Variants in LRP4 observed in about 807,000 individuals in gnomAD.
The protein encoded by LRP4 is low-density lipoprotein receptor-related protein 4.
A neutral mutation model predicts 220.3 loss-of-function variants in LRP4; 95 were observed. That is an observed-to-expected ratio of 0.43 (90% CI 0.37 to 0.51). The LOEUF (loss-of-function observed/expected upper bound fraction) is 0.51. LRP4 is among the 20% of genes least tolerant of loss of function. The pLI is 0.00. For missense variants in LRP4, 1,925 were observed against 2,567.0 expected (o/e 0.75, Z 5.40); for synonymous variants, 903 against 954.6 (o/e 0.95, Z 1.00).
rs369034386 is a variant in LRP4 at position 46,867,996 on chromosome 11, C to A, written c.5070G>T (p.Leu1690=). The A allele has an allele frequency of 1.2e-5, 20 of 1,614,024 alleles. No individual in the cohort carries two copies. Among genetic ancestry groups the A allele is most frequent in the African/African-American group, 2.7e-5 (2 of 74,908 alleles). The change falls in exon 34 of 38, where the codon CTG becomes CTT. Residue 1690 remains leucine, a synonymous_variant. Coordinates refer to ENST00000378623, the MANE Select transcript of LRP4 (RefSeq NM_002334.4). The part of the protein sequence containing the change: ...YSSTTRTRTS[L]EEVEGRCSER... ...CTATTTACCTTCCTTCCACCTCCTC[C>A]AGAGACGTGCGGGTCCGGGTGGTTG...
intron 1 of LRP4, among the ~76,000 whole-genome samples, chr11:46,917,967 G>A (rs1408713504): frequency 1.3e-5 from 2 of 152,110 alleles, no homozygotes; most frequent in Non-Finnish European, 1.5e-5. Flanking sequence ...TTCTTCGCAC[G>A]CATTCATTCG....
At chr11:46,888,575 A>G (rs1206059498) in intron 16 of LRP4, among the ~76,000 whole-genome samples, 9 of 150,482 alleles carry the variant, frequency 6.0e-5, no homozygotes, top group African/African-American at 2.2e-4. Flanking sequence ...AAAAAAAAAG[A>G]ATGCAAGGGG....
Position 46,899,405 on chromosome 11 carries a change from A to C in LRP4, c.529T>G (p.Ser177Ala). 3 of 1,613,942 alleles carry C rather than the reference A, an allele frequency of 1.9e-6. No individual in the cohort carries two copies. The highest frequency in any genetic ancestry group is 2.2e-5 in the East Asian group (1 of 44,880). Reference sequence around the variant, plus strand: ...CACTCACGACAGTTCTCCTCATCGGAGCCATCTTTGCAGTCGGTGTCACCG... The same window carrying C: ...CACTCACGACAGTTCTCCTCATCGGCGCCATCTTTGCAGTCGGTGTCACCG... The part of the protein sequence containing the change: ...CDGDTDCKDG[S>A]DEENCPSAVP... The change falls in exon 5 of 38, where the codon TCC becomes GCC. Residue 177 changes from serine (S) to alanine (A), a missense_variant. Ser to Ala is a moderately conservative substitution (Grantham distance 99, BLOSUM62 1). Coordinates refer to ENST00000378623, the MANE Select transcript of LRP4 (RefSeq NM_002334.4). The surrounding 1 kb of genome is among the most constrained non-coding windows in gnomAD (Gnocchi z 5.9).
At chr11:46,906,737 C>A (rs1941766621) in intron 1 of LRP4, among the ~76,000 whole-genome samples, 1 of 151,984 alleles carries the variant, frequency 6.6e-6, no homozygotes, top group Admixed American at 6.6e-5. Context: ...TTTTTAGGGC[C>A]CCACCCCCGC....
chr11:46,882,486 G>GA (rs200622207), intron 19 of LRP4, among the ~76,000 whole-genome samples: 8 of 150,544 alleles, frequency 5.3e-5, no homozygotes, highest in African/African-American at 1.5e-4. Context: ...AAAAAAAAAA[G>GA]AAAAAAACAA....
At chr11:46,871,817 TG>T (rs1940873686) in intron 30 of LRP4, among the ~76,000 whole-genome samples, 184 bp from the exon 31 acceptor site, 1 of 151,950 alleles carries the variant, frequency 6.6e-6, no homozygotes, top group South Asian at 2.1e-4. Context: ...GGTTCATGAG[TG>T]GGGAGGTCAG....
At chr11:46,913,324 T>A (rs1941896138) in intron 1 of LRP4, among the ~76,000 whole-genome samples, 1 of 152,196 alleles carries the variant, frequency 6.6e-6, no homozygotes, top group Non-Finnish European at 1.5e-5. Flanking sequence ...GAGAATTGGC[T>A]CTTTTTAACA....
At chr11:46,871,058 C>G (rs1409275707) in intron 31 of LRP4, among the ~76,000 whole-genome samples, 1 of 152,196 alleles carries the variant, frequency 6.6e-6, no homozygotes, top group Admixed American at 6.5e-5. Context: ...TCATTAAATA[C>G]TTACAAACTG....
At chr11:46,900,698 C>T (rs947981626) in intron 2 of LRP4, among the ~76,000 whole-genome samples, 2 of 151,938 alleles carry the variant, frequency 1.3e-5, no homozygotes, top group Non-Finnish European at 2.9e-5. Flanking sequence ...GTCGTGTTGG[C>T]CAGGCTGGTC....
Position 46,873,397 on chromosome 11 carries a change from T to C in LRP4, c.4426A>G (p.Ile1476Val). The part of the protein sequence containing the change: ...INNSLDEPRA[I>V]AVFPRKGYLF... ...TACCCCTTCCTGGGGAAAACAGCAA[T>C]GGCCCGGGGCTCATCCAGGCTATTG... The change falls in exon 29 of 38, where the codon ATT (isoleucine) becomes GTT (valine). Residue 1476 changes from isoleucine to valine, a missense_variant. By Grantham distance (29) the Ile-to-Val change is conservative (BLOSUM62 3). Coordinates refer to ENST00000378623, the MANE Select transcript of LRP4 (RefSeq NM_002334.4). This position sits in a 1 kb window ranked among gnomAD's most constrained non-coding sequence, Gnocchi z 4.2. 6.2e-7 allele frequency: 1 copy of C among 1,614,194 alleles called. No individual in the cohort carries two copies. The highest frequency in any genetic ancestry group is 1.1e-5 in the South Asian group (1 of 91,082).
At chr11:46,917,316 C>T (rs764322045) in intron 1 of LRP4, among the ~76,000 whole-genome samples, 3 of 152,222 alleles carry the variant, frequency 2.0e-5, no homozygotes, top group Non-Finnish European at 1.5e-5. Flanking sequence ...ACTCCCGCCA[C>T]GATGAATAGC....
intron 2 of LRP4, among the ~76,000 whole-genome samples, chr11:46,902,412 T>C (rs947937371): frequency 2.8e-5 from 4 of 141,400 alleles, no homozygotes; most frequent in African/African-American, 2.6e-5. Context: ...ATAAGAAACA[T>C]AGAAATAATC....
intron 12 of LRP4, 130 bp from the exon 13 acceptor site, chr11:46,893,259 G>A: frequency 1.2e-6 from 1 of 844,166 alleles, no homozygotes; most frequent in Non-Finnish European, 2.0e-6. Flanking sequence ...TCAGATACAT[G>A]AATTCATTTA....
chr11:46,886,119 G>A lies in LRP4; in HGVS notation c.2478C>T (p.Val826=). The change falls in exon 18 of 38, where the codon GTC becomes GTT. Residue 826 remains valine, a synonymous_variant. Transcript: ENST00000378623. The part of the protein sequence containing the change: ...ESPAGLAIDW[V]TNKLYWTDAG... ...CATCTGTCCAGTACAGTTTGTTGGT[G>A]ACCCAATCAATGGCCAGGCCAGCTG... 1.2e-6 allele frequency: 2 copies of A among 1,614,084 alleles called. No individual in the cohort carries two copies. Among genetic ancestry groups the A allele is most frequent in the South Asian group, 1.1e-5 (1 of 91,070 alleles).
intron 10 of LRP4, 139 bp downstream of exon 10, chr11:46,895,745 T>C: frequency 8.1e-7 from 1 of 1,231,408 alleles, no homozygotes; most frequent in Non-Finnish European, 1.2e-6. Flanking sequence ...ATGGGAAGGA[T>C]GATCCCCACC....
intron 1 of LRP4, among the ~76,000 whole-genome samples, chr11:46,903,943 A>G (rs1941715002): frequency 6.6e-6 from 1 of 152,162 alleles, no homozygotes; most frequent in African/African-American, 2.4e-5. Flanking sequence ...CTGCCTGGCC[A>G]AGTCCCATGA....
chr11:46,895,425 G>C, intron 10 of LRP4, 134 bp from the exon 11 acceptor site: 1 of 1,280,706 alleles, frequency 7.8e-7, no homozygotes, highest in Non-Finnish European at 1.1e-6. Context: ...CTAAGAAATG[G>C]TTAAGGGCGG....
chr11:46,910,640 G>A (rs1389758127), intron 1 of LRP4, among the ~76,000 whole-genome samples: 1 of 150,572 alleles, frequency 6.6e-6, no homozygotes, highest in East Asian at 2.0e-4. Context: ...GCCTTTCTCT[G>A]AAAGAGCTTG....
At chr11:46,901,854 T>A (rs1301163393) in intron 2 of LRP4, among the ~76,000 whole-genome samples, 1 of 151,904 alleles carries the variant, frequency 6.6e-6, no homozygotes, top group Non-Finnish European at 1.5e-5. Flanking sequence ...TGCCTCAGCC[T>A]CCCAAGTAGC....
Sources: gnomAD v4.1 joint callset for allele counts (sites outside exome capture counted in the v4.1 genomes callset) on GRCh38, gnomAD v4.1.1 for gene constraint, Gnocchi (gnomAD v3.1) non-coding constraint, MANE v1.5 for transcripts, NCBI Gene and HGNC (gene_info 2026-07-23, HGNC 2026-07-21) for gene names.